The following MDFIC variants were observed in gnomAD, a reference collection of about 807,000 sequenced individuals.
MDFIC encodes MyoD family inhibitor domain containing.
A neutral mutation model predicts 23.2 loss-of-function variants in MDFIC; 17 were observed. The observed-to-expected ratio is 0.73, with a 90% CI of 0.50 to 1.10. The LOEUF (loss-of-function observed/expected upper bound fraction) is 1.10. Among genes scored for constraint, MDFIC ranks in the 50% least tolerant of loss-of-function variants. MDFIC has a pLI of 0.00. For synonymous variants in MDFIC, 120 were observed against 115.2 expected, an observed-to-expected ratio of 1.04 and a Z score of -0.27; for missense variants, 356 against 316.6, an observed-to-expected ratio of 1.12 and a Z score of -0.95.
At chr7:115,012,536 G>C (rs1791701283) in intron 4 of MDFIC, among the ~76,000 whole-genome samples, 2 of 152,188 alleles carry the variant, frequency 1.3e-5, no homozygotes, top group African/African-American at 4.8e-5. Context: ...TAAGATTAAA[G>C]ATGAGCAAGC....
intron 4 of MDFIC, among the ~76,000 whole-genome samples, chr7:115,009,445 G>C (rs1454823497): frequency 2.6e-5 from 4 of 152,172 alleles, no homozygotes; most frequent in Non-Finnish European, 4.4e-5. Context: ...GGCTCAATCA[G>C]GGTTCCTTTC....
intron 2 of MDFIC, among the ~76,000 whole-genome samples, chr7:114,940,393 C>T (rs1408512693): frequency 6.6e-6 from 1 of 152,224 alleles, no homozygotes; most frequent in Non-Finnish European, 1.5e-5. Flanking sequence ...TTTCCTTCCA[C>T]TGGAAATGTT....
chr7:114,968,628 G>A (rs992856383), intron 3 of MDFIC, among the ~76,000 whole-genome samples: 1 of 152,134 alleles, frequency 6.6e-6, no homozygotes, highest in Non-Finnish European at 1.5e-5. Flanking sequence ...TTTGCTTGCA[G>A]TCCTAAATTA....
chr7:114,992,164 T>C (rs1381097240), intron 4 of MDFIC, among the ~76,000 whole-genome samples: 1 of 152,210 alleles, frequency 6.6e-6, no homozygotes, highest in African/African-American at 2.4e-5. Context: ...CTATTATTGG[T>C]GTATAAGAAT....
chr7:114,962,651 GCTCAGATAAA>G (rs1252977935), intron 3 of MDFIC, among the ~76,000 whole-genome samples: 4 of 152,176 alleles, frequency 2.6e-5, no homozygotes, highest in African/African-American at 9.7e-5. Flanking sequence ...GATGTGCAGT[GCTCAGATAAA>G]CTCTGTGGAG....
intron 4 of MDFIC, among the ~76,000 whole-genome samples, chr7:114,994,266 T>C (rs150955110): frequency 2.0e-4 from 30 of 148,306 alleles, no homozygotes; most frequent in African/African-American, 6.6e-4. Flanking sequence ...ATGGGGCTCC[T>C]GAATACAACA....
chr7:115,000,529 A>G (rs1366093377), intron 4 of MDFIC, among the ~76,000 whole-genome samples: 1 of 152,234 alleles, frequency 6.6e-6, no homozygotes, highest in Non-Finnish European at 1.5e-5. Context: ...TCTTTATAGT[A>G]AAAGTAATTT....
At chr7:115,012,752 T>G (rs1365610665) in intron 4 of MDFIC, among the ~76,000 whole-genome samples, 1 of 152,046 alleles carries the variant, frequency 6.6e-6, no homozygotes, top group African/African-American at 2.4e-5. Flanking sequence ...CCAAGGCAGG[T>G]GGGTCACCTG....
intron 2 of MDFIC, among the ~76,000 whole-genome samples, chr7:114,923,963 A>G (rs1332378879): frequency 1.3e-5 from 2 of 152,202 alleles, no homozygotes; most frequent in African/African-American, 2.4e-5. Flanking sequence ...GCATAAACTG[A>G]TAGCTTTATT....
At chr7:115,000,927 T>C (rs1218991422) in intron 4 of MDFIC, among the ~76,000 whole-genome samples, 1 of 152,190 alleles carries the variant, frequency 6.6e-6, no homozygotes, top group Admixed American at 6.6e-5. Context: ...TTTAGGGTTT[T>C]CAGGCAAATC....
intron 3 of MDFIC, among the ~76,000 whole-genome samples, chr7:114,952,116 T>C (rs952847412): frequency 6.6e-6 from 1 of 152,226 alleles, no homozygotes; most frequent in Non-Finnish European, 1.5e-5. Flanking sequence ...TTTTTATAAT[T>C]GTTTTATCAG....
intron 2 of MDFIC, among the ~76,000 whole-genome samples, chr7:114,926,208 A>G (rs1183587423): frequency 6.6e-6 from 1 of 152,234 alleles, no homozygotes; most frequent in African/African-American, 2.4e-5. Flanking sequence ...TGCTTCTTTC[A>G]TAAGTATGGG....
At chr7:114,991,423 C>G (rs1336290791) in intron 4 of MDFIC, among the ~76,000 whole-genome samples, 1 of 152,076 alleles carries the variant, frequency 6.6e-6, no homozygotes, top group Non-Finnish European at 1.5e-5. Flanking sequence ...AAGTCCTTGC[C>G]CATGCCTATG....
At chr7:115,009,209 A>G (rs1368206941) in intron 4 of MDFIC, among the ~76,000 whole-genome samples, 1 of 152,092 alleles carries the variant, frequency 6.6e-6, no homozygotes, top group Non-Finnish European at 1.5e-5. Context: ...TATTAGAGAT[A>G]AGATAAGACC....
intron 3 of MDFIC, among the ~76,000 whole-genome samples, chr7:114,964,920 G>A (rs1206769608): frequency 6.6e-6 from 1 of 152,108 alleles, no homozygotes; most frequent in Non-Finnish European, 1.5e-5. Context: ...TATGTATGTG[G>A]GCTTCCATGT....
At position 114,922,392 on chromosome 7, in the gene MDFIC, G is replaced by T; in HGVS notation, c.-352G>T. The stretch of plus-strand genomic sequence containing the variant: ...CCCTCGCAGGGGAGCCGGCTGGAGT[G>T]AGCTGGCTGGAAAGAGGGGGCGGAG... On this transcript the variant is annotated 5_prime_UTR_variant, in exon 1 of 5. Coordinates refer to ENST00000393486, the MANE Select transcript of MDFIC (RefSeq NM_001166345.3). The T allele has an allele frequency of 1.6e-6, 2 of 1,237,036 alleles. No homozygotes were observed. The highest frequency in any genetic ancestry group is 4.1e-5 in the South Asian group (1 of 24,662). The allele number at this position is 1,237,036 out of a possible 1,614,324, so 76.6% of individuals were successfully genotyped here.
rs137960045 is a variant in MDFIC, at chr7:115,006,708, C to T, written c.494-8980C>T. Among the ~76,000 whole-genome samples, 21 of 152,204 alleles carry T rather than the reference C, an allele frequency of 1.4e-4. No homozygotes were observed. In the East Asian group the frequency reaches 2.1e-3, roughly 15 times the overall value. On this transcript the variant is annotated intron_variant, in intron 4 of 4. Coordinates refer to ENST00000393486, the MANE Select transcript of MDFIC (RefSeq NM_001166345.3). ...AATATGAATTTTCATTAAAACTAGACGATTTACTTGCATGTATTTTTGTCC... is the reference window on the plus strand; with the variant it reads ...AATATGAATTTTCATTAAAACTAGATGATTTACTTGCATGTATTTTTGTCC...
At chr7:114,938,617 T>C (rs1006550722) in intron 2 of MDFIC, among the ~76,000 whole-genome samples, 4 of 152,154 alleles carry the variant, frequency 2.6e-5, no homozygotes, top group South Asian at 2.1e-4. Flanking sequence ...TAGAGGACCA[T>C]TGGCTTAGAA....
intron 3 of MDFIC, among the ~76,000 whole-genome samples, chr7:114,976,662 A>G (rs1793322344): frequency 6.6e-6 from 1 of 152,190 alleles, no homozygotes; most frequent in African/African-American, 2.4e-5. Context: ...TTTATAAATC[A>G]GATATTAATG....
Sources: allele counts gnomAD v4.1 joint callset (sites outside exome capture counted in the v4.1 genomes callset), GRCh38; gene constraint gnomAD v4.1.1; transcripts MANE v1.5; gene names NCBI Gene and HGNC (gene_info 2026-07-23, HGNC 2026-07-21).